The following LONP2 variants were observed in gnomAD, a reference collection of about 807,000 sequenced individuals.
LONP2 encodes lon protease homolog 2, peroxisomal.
A neutral mutation model predicts 85.6 loss-of-function variants in LONP2; 60 were observed. The observed-to-expected ratio is 0.70, with a 90% CI of 0.57 to 0.87. The LOEUF is 0.87. LONP2 is among the 40% of genes least tolerant of loss of function. LONP2 has a pLI of 0.00. For synonymous variants in LONP2, 395 were observed against 389.7 expected (o/e 1.01, Z -0.16); for missense variants, 860 against 1,063.5 (o/e 0.81, Z 2.66).
At chr16:48,290,898 G>A (rs887330300) in intron 8 of LONP2, among the ~76,000 whole-genome samples, 3 of 152,138 alleles carry the variant, frequency 2.0e-5, no homozygotes, top group Non-Finnish European at 4.4e-5. Flanking sequence ...TCATGCCTTG[G>A]TCTTTCCTGT....
Position 48,277,264 on chromosome 16 carries a change from G to C in LONP2, c.1242-74G>C, listed in dbSNP as rs548885324. 1.9e-5 allele frequency: 28 copies of C among 1,452,496 alleles called. No individual in the cohort carries two copies. In the Admixed American group the frequency reaches 3.3e-4, roughly 17 times the overall value. 90.0% of individuals were successfully genotyped at this position (1,452,496 alleles called of 1,614,324 possible). ...CTAAATGATCTTTTCACATTCCTAA[G>C]TTTTGATTTCTGAATGGCGTCGCTC... On this transcript the variant is annotated intron_variant, in intron 7 of 14. Transcript: ENST00000285737.
chr16:48,337,894 A>T (rs1596997782), intron 12 of LONP2, among the ~76,000 whole-genome samples: 1 of 151,450 alleles, frequency 6.6e-6, no homozygotes, highest in African/African-American at 2.4e-5. Context: ...GCTCACTGCA[A>T]CCTCCACCTC....
intron 11 of LONP2, among the ~76,000 whole-genome samples, chr16:48,330,830 ACAG>A (rs1959416421): frequency 6.6e-6 from 1 of 152,184 alleles, no homozygotes; most frequent in Non-Finnish European, 1.5e-5. Context: ...TTTTAATAAC[ACAG>A]CTGCTGTCCC....
chr16:48,347,665 C>T lies in LONP2; in HGVS notation c.2097C>T (p.Leu699=), dbSNP rs1202113725. Residue 699 remains leucine (L), a synonymous_variant, in exon 13 of 15, where the codon CTC becomes CTT. Coordinates refer to ENST00000285737, the MANE Select transcript of LONP2 (RefSeq NM_031490.5). The stretch of plus-strand genomic sequence containing the variant: ...ACGTGATGAAGGAGTCCGCCCACCT[C>T]GCTATCAGCTGGCTCCGCAGCAACG... ...LGDVMKESAH[L]AISWLRSNAK... 2 of 1,614,182 alleles carry T rather than the reference C, an allele frequency of 1.2e-6. No homozygotes were observed. Among genetic ancestry groups the T allele is most frequent in the Non-Finnish European group, 1.7e-6 (2 of 1,180,042 alleles).
intron 8 of LONP2, among the ~76,000 whole-genome samples, chr16:48,278,688 C>A (rs1972265311): frequency 6.6e-6 from 1 of 152,170 alleles, no homozygotes; most frequent in Non-Finnish European, 1.5e-5. Flanking sequence ...ACCCTGAAAA[C>A]TTTCAGGTTC....
intron 11 of LONP2, among the ~76,000 whole-genome samples, chr16:48,319,855 TGTGC>T (rs1438647223): frequency 7.9e-5 from 12 of 152,092 alleles, no homozygotes; most frequent in Admixed American, 6.6e-5. Context: ...GATTATTTTT[TGTGC>T]GTGTGCCTGT....
intron 12 of LONP2, among the ~76,000 whole-genome samples, chr16:48,341,648 T>C (rs1237073797): frequency 6.6e-6 from 1 of 152,214 alleles, no homozygotes. Context: ...CCATATCAAA[T>C]GGGTTCTAGG....
intron 11 of LONP2, among the ~76,000 whole-genome samples, chr16:48,330,188 T>C (rs1959394378): frequency 6.6e-6 from 1 of 152,266 alleles, no homozygotes; most frequent in Non-Finnish European, 1.5e-5. Context: ...ATTTCTTTGC[T>C]TCTCAGTGAA....
At position 48,334,329 on chromosome 16, in the gene LONP2, A is replaced by G; in HGVS notation, c.1909A>G (p.Ile637Val). ...GATTGATTTCCATGCTCTGAAAGACATCCTTGGGCCCCCGATGTATGAAAT... is the reference window on the plus strand; with the variant it reads ...GATTGATTTCCATGCTCTGAAAGACGTCCTTGGGCCCCCGATGTATGAAAT... Reference protein sequence around the residue: ...ILIDFHALKDILGPPMYEMEV... With the variant: ...ILIDFHALKDVLGPPMYEMEV... The change falls in exon 12 of 15, where the codon ATC (isoleucine) becomes GTC (valine). Residue 637 changes from isoleucine (I) to valine (V), a missense_variant. Coordinates refer to ENST00000285737, the MANE Select transcript of LONP2 (RefSeq NM_031490.5). The G allele has an allele frequency of 6.2e-7, 1 of 1,614,180 alleles. No homozygotes were observed. The highest frequency in any genetic ancestry group is 8.5e-7 in the Non-Finnish European group (1 of 1,180,032).
At position 48,354,931 on chromosome 16, in the gene LONP2, G is replaced by GTGT. The variant is rs1456721423; in HGVS notation, c.*3131_*3133dup. The GTGT allele has an allele frequency of 2.0e-5, 3 of 152,120 alleles. No individual in the cohort carries two copies. Among genetic ancestry groups the GTGT allele is most frequent in the Admixed American group, 6.5e-5 (1 of 15,276 alleles). 9.4% of individuals were successfully genotyped at this position (152,120 alleles called of 1,614,324 possible). ...CCTTGCAGAACCATGACCTATCAAG[G>GTGT]TGTTTTGTCAAACAAAAACTAATAC... is the stretch of plus-strand genomic sequence containing the variant. On this transcript the variant is annotated 3_prime_UTR_variant, in exon 15 of 15. Coordinates refer to ENST00000285737, the MANE Select transcript of LONP2 (RefSeq NM_031490.5).
intron 9 of LONP2, among the ~76,000 whole-genome samples, chr16:48,297,263 A>G (rs913259005): frequency 3.9e-5 from 6 of 152,140 alleles, no homozygotes; most frequent in Admixed American, 2.6e-4. Flanking sequence ...CTCCAAAAGT[A>G]TAAGGATTAC....
intron 11 of LONP2, among the ~76,000 whole-genome samples, chr16:48,305,232 T>G (rs186434001): frequency 1.6e-4 from 24 of 152,258 alleles, no homozygotes; most frequent in African/African-American, 5.8e-4. Context: ...ACTTTAAAAC[T>G]TGTGCTTTAT....
At chr16:48,284,226 T>C (rs894535113) in intron 8 of LONP2, among the ~76,000 whole-genome samples, 1 of 152,172 alleles carries the variant, frequency 6.6e-6, no homozygotes, top group Non-Finnish European at 1.5e-5. Flanking sequence ...AATGACAACC[T>C]TGATGTTGTG....
intron 6 of LONP2, among the ~76,000 whole-genome samples, chr16:48,266,399 T>C (rs1430238843): frequency 6.6e-6 from 1 of 152,046 alleles, no homozygotes; most frequent in Non-Finnish European, 1.5e-5. Flanking sequence ...GTATGTACAT[T>C]TTGATGAGTT....
At chr16:48,291,881 G>A (rs1196540650) in intron 8 of LONP2, among the ~76,000 whole-genome samples, 2 of 152,124 alleles carry the variant, frequency 1.3e-5, no homozygotes, top group Admixed American at 6.5e-5. Flanking sequence ...TTATGCTTTT[G>A]AAAACCAGAA....
chr16:48,347,597 A>G lies in LONP2; in HGVS notation c.2029A>G (p.Met677Val). The G allele has an allele frequency of 6.2e-7, 1 of 1,614,250 alleles. No individual in the cohort carries two copies. The highest frequency in any genetic ancestry group is 2.2e-5 in the East Asian group (1 of 44,890). The part of the protein sequence containing the change: ...GEIMFVEASR[M>V]DGEGQLTLTG... The stretch of plus-strand genomic sequence containing the variant: ...AATCATGTTCGTGGAGGCGAGTCGA[A>G]TGGATGGCGAGGGCCAGTTAACTCT... Residue 677 changes from methionine to valine, a missense_variant, in exon 13 of 15, where the codon ATG becomes GTG. Physicochemically the swap from Met to Val is conservative, Grantham distance 21. Around this residue, in one of 3 missense-constraint regions of LONP2, gnomAD observed 743 missense variants for 917.3 expected, o/e 0.81. Transcript: ENST00000285737.
chr16:48,312,607 G>A (rs1204274155), intron 11 of LONP2, among the ~76,000 whole-genome samples: 1 of 152,122 alleles, frequency 6.6e-6, no homozygotes, highest in East Asian at 1.9e-4. Flanking sequence ...AAATGCCAGT[G>A]ACAGTAGTAA....
Position 48,353,699 on chromosome 16 carries a change from T to TCTAA in LONP2, c.*1900_*1903dup, listed in dbSNP as rs1241887510. 2 of 152,050 alleles carry TCTAA rather than the reference T, an allele frequency of 1.3e-5. No individual in the cohort carries two copies. The highest frequency in any genetic ancestry group is 2.9e-5 in the Non-Finnish European group (2 of 68,040). The allele number at this position is 152,050 out of a possible 1,614,324, so 9.4% of individuals were successfully genotyped here. A position where few individuals can be genotyped will look rare whatever the true frequency, so the allele number is the denominator to read the frequency against. On this transcript the variant is annotated 3_prime_UTR_variant, in exon 15 of 15. Transcript: ENST00000285737. ...TGTAATTTTATCATTTCCAACGTCA[T>TCTAA]CTAACTGGGGACTAGAACAAACTGT... is the stretch of plus-strand genomic sequence containing the variant.
intron 8 of LONP2, among the ~76,000 whole-genome samples, chr16:48,278,007 G>A (rs1030187770): frequency 5.3e-5 from 8 of 150,646 alleles, no homozygotes; most frequent in African/African-American, 9.8e-5. Flanking sequence ...CTTAGATCTC[G>A]CAATAAGAAT....
Sources: gnomAD v4.1 joint callset for allele counts (sites outside exome capture counted in the v4.1 genomes callset) on GRCh38, gnomAD v4.1.1 for gene constraint, gnomAD v4.1.1 regional missense constraint, MANE v1.5 for transcripts, NCBI Gene and HGNC (gene_info 2026-07-23, HGNC 2026-07-21) for gene names.